The following SOCS6 variants were observed in gnomAD, a reference collection of about 807,000 sequenced individuals.
SOCS6 encodes the protein STAT induced STAT inhibitor-4.
A neutral mutation model predicts 27.7 loss-of-function variants in SOCS6; 5 were observed. The ratio of observed to expected loss-of-function variants is 0.18; its 90% CI spans 0.09 to 0.38. The LOEUF is 0.38. SOCS6 is among the 10% of genes least tolerant of loss of function. The pLI, the probability that SOCS6 is intolerant of heterozygous loss-of-function variation, is 1.00. For synonymous variants in SOCS6, 271 were observed against 260.0 expected, an observed-to-expected ratio of 1.04 and a Z score of -0.41; for missense variants, 595 against 688.1, an observed-to-expected ratio of 0.86 and a Z score of 1.51.
In SOCS6 at chr18:70,324,136, A is replaced by G. The variant is rs539611609; in HGVS notation, c.-126-407A>G. Among the ~76,000 whole-genome samples the G allele has an allele frequency of 2.6e-5, 4 of 152,108 alleles. No individual in the cohort carries two copies. In the South Asian group the frequency reaches 8.3e-4, roughly 32 times the overall value. ...GCTAACACGATGAAACCCCGTCTCT[A>G]TTAAAATACAAAAAACTTAGCTGAG... On this transcript the variant is annotated intron_variant, in intron 1 of 1. Transcript: ENST00000397942.
At chr18:70,321,085 C>T (rs1468233029) in intron 1 of SOCS6, among the ~76,000 whole-genome samples, 3 of 151,908 alleles carry the variant, frequency 2.0e-5, no homozygotes, top group Middle Eastern at 3.4e-3. Context: ...AAGACCAGCC[C>T]GGGCAACATA....
At chr18:70,301,838 A>G (rs1385239289) in intron 1 of SOCS6, among the ~76,000 whole-genome samples, 1 of 152,172 alleles carries the variant, frequency 6.6e-6, no homozygotes, top group Non-Finnish European at 1.5e-5. Flanking sequence ...AAGAGGTAAA[A>G]TGATATGAAA....
intron 1 of SOCS6, among the ~76,000 whole-genome samples, chr18:70,301,667 A>AG (rs143333110): frequency 0.053 from 8,042 of 152,178 alleles, 291 homozygotes; most frequent in Middle Eastern, 0.11. Flanking sequence ...TTGGGAGTGT[A>AG]GGGCACATCG....
At position 70,328,311 on chromosome 18, in the gene SOCS6, TAATA is replaced by T. The variant is rs1239893937; in HGVS notation, c.*2039_*2042del. On this transcript the variant is annotated 3_prime_UTR_variant, in exon 2 of 2. Transcript: ENST00000397942. ...TTGTCACAGAGTCACTGTGTATTAATAATAAATGTTGAAATGGCTTCTCCGTGTC... is the reference window on the plus strand; with the variant it reads ...TTGTCACAGAGTCACTGTGTATTAATAATGTTGAAATGGCTTCTCCGTGTC... The T allele has an allele frequency of 6.0e-6, 1 of 167,034 alleles. No homozygotes were observed. Among genetic ancestry groups the T allele is most frequent in the East Asian group, 1.9e-4 (1 of 5,186 alleles). 10.3% of individuals were successfully genotyped at this position (167,034 alleles called of 1,614,324 possible).
intron 1 of SOCS6, among the ~76,000 whole-genome samples, chr18:70,322,166 A>T (rs1911016798): frequency 6.6e-6 from 1 of 152,212 alleles, no homozygotes; most frequent in Non-Finnish European, 1.5e-5. Context: ...AAAATTTTAC[A>T]ATTAGAAAAG....
chr18:70,293,412 T>G (rs540730609), intron 1 of SOCS6, among the ~76,000 whole-genome samples: 2 of 152,296 alleles, frequency 1.3e-5, no homozygotes, highest in East Asian at 3.9e-4. Flanking sequence ...AGTACCAGAC[T>G]GACTGGCAGT....
In SOCS6 at chr18:70,324,921, CAG is replaced by C; in HGVS notation, c.255_256del (p.Lys86ValfsTer28). 1 of 1,614,190 alleles carries C rather than the reference CAG, an allele frequency of 6.2e-7. No individual in the cohort carries two copies. Among genetic ancestry groups the C allele is most frequent in the Non-Finnish European group, 8.5e-7 (1 of 1,180,038 alleles). ...GTLKRRLSAKQKSKGKAGTPS... is the reference protein window; with the variant it reads ...GTLKRRLSAKXKSKGKAGTPS... ...GCTAAAAAGGCGGCTTTCTGCAAAACAGAAGTCAAAAGGCAAGGCGGGCACAC... is the reference window on the plus strand; with the variant it reads ...GCTAAAAAGGCGGCTTTCTGCAAAACAAGTCAAAAGGCAAGGCGGGCACAC... On this transcript the variant is annotated frameshift_variant, in exon 2 of 2. Coordinates refer to ENST00000397942, the MANE Select transcript of SOCS6 (RefSeq NM_004232.4). LOFTEE classifies it high-confidence loss of function.
intron 1 of SOCS6, among the ~76,000 whole-genome samples, chr18:70,298,120 C>A (rs983173835): frequency 6.6e-6 from 1 of 151,926 alleles, no homozygotes; most frequent in African/African-American, 2.4e-5. Flanking sequence ...TTTAGTAGTT[C>A]ATTACATTTA....
chr18:70,302,836 C>G (rs563928367), intron 1 of SOCS6, among the ~76,000 whole-genome samples: 1 of 152,034 alleles, frequency 6.6e-6, no homozygotes, highest in Non-Finnish European at 1.5e-5. Flanking sequence ...AGGAGGCTGT[C>G]TAGGTTCTAC....
intron 1 of SOCS6, among the ~76,000 whole-genome samples, chr18:70,305,061 G>A (rs2062363406): frequency 6.6e-6 from 1 of 152,098 alleles, no homozygotes. Flanking sequence ...ACAAAAATTT[G>A]CCGGGCATGG....
chr18:70,313,178 A>C (rs1203880520), intron 1 of SOCS6, among the ~76,000 whole-genome samples: 2 of 151,760 alleles, frequency 1.3e-5, no homozygotes, highest in Non-Finnish European at 2.9e-5. Flanking sequence ...TTTCTTTCTT[A>C]TTACCTTTCT....
intron 1 of SOCS6, among the ~76,000 whole-genome samples, chr18:70,308,254 C>T (rs1314029845): frequency 6.6e-6 from 1 of 152,150 alleles, no homozygotes; most frequent in Non-Finnish European, 1.5e-5. Context: ...CTTGCTCTGT[C>T]ACCCAGACTG....
At chr18:70,312,172 A>G (rs960054125) in intron 1 of SOCS6, among the ~76,000 whole-genome samples, 1 of 152,214 alleles carries the variant, frequency 6.6e-6, no homozygotes, top group Admixed American at 6.5e-5. Flanking sequence ...TGGAGCCAGA[A>G]TATAGTACGT....
chr18:70,296,454 CG>C (rs1235811753), intron 1 of SOCS6: 3 of 152,352 alleles, frequency 2.0e-5, no homozygotes, highest in African/African-American at 7.2e-5. Context: ...GTCCCCATGG[CG>C]GATGTGGGTG....
intron 1 of SOCS6, among the ~76,000 whole-genome samples, chr18:70,310,156 G>A (rs948754692): frequency 6.6e-6 from 1 of 152,166 alleles, no homozygotes; most frequent in Non-Finnish European, 1.5e-5. Flanking sequence ...GTCACCAAAT[G>A]TGATGAATTC....
intron 1 of SOCS6, among the ~76,000 whole-genome samples, chr18:70,317,756 C>T (rs993009073): frequency 1.3e-5 from 2 of 151,822 alleles, no homozygotes; most frequent in African/African-American, 2.4e-5. Flanking sequence ...TAGTTCTTTA[C>T]GGAATTTCCA....
chr18:70,325,711 C>G lies in SOCS6; in HGVS notation c.1043C>G (p.Pro348Arg), dbSNP rs376438373. Residue 348 changes from proline to arginine, a missense_variant, in exon 2 of 2, where the codon CCG becomes CGG. Pro to Arg is a moderately radical substitution (Grantham distance 103). Transcript: ENST00000397942. This position sits in a 1 kb window ranked among gnomAD's most constrained non-coding sequence, Gnocchi z 6.3. The stretch of plus-strand genomic sequence containing the variant: ...ATGCGCTGTCATTTGAATTTTGATC[C>G]GAACTCTGCTCCTGGGGTTGCAAGA... Reference protein sequence around the residue: ...ESMRCHLNFDPNSAPGVARVY... With the variant: ...ESMRCHLNFDRNSAPGVARVY... The G allele has an allele frequency of 2.7e-5, 44 of 1,613,990 alleles. No individual in the cohort carries two copies. The highest frequency in any genetic ancestry group is 3.7e-5 in the Non-Finnish European group (44 of 1,179,984).
intron 1 of SOCS6, among the ~76,000 whole-genome samples, chr18:70,295,204 A>G (rs760479126): frequency 3.5e-4 from 53 of 152,374 alleles, no homozygotes; most frequent in African/African-American, 9.4e-4. Context: ...GAAGACAGGA[A>G]TGTATGGCTC....
At chr18:70,311,610 T>G (rs1359719277) in intron 1 of SOCS6, among the ~76,000 whole-genome samples, 2 of 152,192 alleles carry the variant, frequency 1.3e-5, no homozygotes, top group African/African-American at 2.4e-5. Flanking sequence ...AAAAGTCAAC[T>G]TCCTGATCCT....
Sources: gnomAD v4.1 joint callset for allele counts (sites outside exome capture counted in the v4.1 genomes callset) on GRCh38, gnomAD v4.1.1 for gene constraint, Gnocchi (gnomAD v3.1) non-coding constraint, MANE v1.5 for transcripts, NCBI Gene and HGNC (gene_info 2026-07-23, HGNC 2026-07-21) for gene names.